Variants in SOBP observed in about 807,000 individuals in gnomAD.
SOBP encodes the protein sine oculis binding protein homolog, also known as sine oculis-binding protein homolog.
Under a neutral mutation model 53.6 loss-of-function variants are expected in SOBP, and 4 were observed. That is an observed-to-expected ratio of 0.07 (90% CI 0.04 to 0.17). The LOEUF is 0.17. SOBP is among the 10% of genes least tolerant of loss of function. The pLI, the probability that SOBP is intolerant of heterozygous loss-of-function variation, is 1.00. For synonymous variants in SOBP, 584 were observed against 522.6 expected (o/e 1.12, Z -1.60); for missense variants, 1,088 against 1,204.7 (o/e 0.90, Z 1.43).
intron 4 of SOBP, among the ~76,000 whole-genome samples, chr6:107,572,964 G>A (rs182236309): frequency 6.2e-4 from 95 of 152,308 alleles, no homozygotes; most frequent in Non-Finnish European, 1.1e-3. Flanking sequence ...CAGTGCCCAC[G>A]AATCCTGGGC....
chr6:107,557,097 G>T (rs1313910860), intron 4 of SOBP, among the ~76,000 whole-genome samples: 1 of 152,042 alleles, frequency 6.6e-6, no homozygotes, highest in Admixed American at 6.5e-5. Context: ...ACATATATAT[G>T]TGTACTTGGT....
At chr6:107,604,214 G>A (rs1786284728) in intron 5 of SOBP, among the ~76,000 whole-genome samples, 1 of 152,166 alleles carries the variant, frequency 6.6e-6, no homozygotes, top group African/African-American at 2.4e-5. Context: ...TCAAATAAAA[G>A]TCATAAACAA....
chr6:107,598,313 G>T (rs145198007), intron 5 of SOBP, among the ~76,000 whole-genome samples: 2 of 152,208 alleles, frequency 1.3e-5, no homozygotes, highest in African/African-American at 4.8e-5. Flanking sequence ...GGAAGTAAAG[G>T]CCGTTTAATA....
intron 3 of SOBP, 43 bp downstream of exon 3, chr6:107,506,470 AG>A: frequency 6.2e-7 from 1 of 1,607,806 alleles, no homozygotes; most frequent in Non-Finnish European, 8.5e-7. Context: ...ATTCATAGAA[AG>A]TTGTTTTAAC....
chr6:107,603,894 A>G (rs529849567), intron 5 of SOBP, among the ~76,000 whole-genome samples: 1 of 151,840 alleles, frequency 6.6e-6, no homozygotes, highest in African/African-American at 2.4e-5. Flanking sequence ...TTGGATCTCC[A>G]TGGGAAAGTT....
chr6:107,525,452 G>A (rs1387822584), intron 3 of SOBP, among the ~76,000 whole-genome samples: 1 of 152,136 alleles, frequency 6.6e-6, no homozygotes, highest in African/African-American at 2.4e-5. Context: ...TTCTTCATTG[G>A]AGTACGGGAG....
In SOBP at chr6:107,576,954, A is replaced by G. The variant is rs567783302; in HGVS notation, c.574-10126A>G. Among the ~76,000 whole-genome samples, 327 of 152,350 alleles carry G rather than the reference A, an allele frequency of 2.1e-3. 3 individuals carry two copies. Among genetic ancestry groups the G allele is most frequent in the African/African-American group, 7.1e-3 (295 of 41,576 alleles). On this transcript the variant is annotated intron_variant, in intron 4 of 6. Transcript: ENST00000317357. ...AAGTATTGCTGTTAGTTGAGAATTTATAGTTCTTGACCTCAGGATTAGTAA... is the reference window on the plus strand; with the variant it reads ...AAGTATTGCTGTTAGTTGAGAATTTGTAGTTCTTGACCTCAGGATTAGTAA...
chr6:107,559,367 C>T (rs949144052), intron 4 of SOBP, among the ~76,000 whole-genome samples: 2 of 152,142 alleles, frequency 1.3e-5, no homozygotes, highest in Non-Finnish European at 2.9e-5. Context: ...GTAAAGGCTA[C>T]ACTAGTTGAC....
chr6:107,514,966 C>G (rs1171334255), intron 3 of SOBP: 3 of 152,132 alleles, frequency 2.0e-5, no homozygotes, highest in Non-Finnish European at 4.4e-5. Context: ...TTAATTTTTA[C>G]TTTGAACAAA....
At chr6:107,548,125 T>C (rs1366891880) in intron 4 of SOBP, among the ~76,000 whole-genome samples, 1 of 152,148 alleles carries the variant, frequency 6.6e-6, no homozygotes, top group Non-Finnish European at 1.5e-5. Context: ...GTAAATCTAA[T>C]AGAACTTCAA....
At chr6:107,524,993 G>T (rs1002943587) in intron 3 of SOBP, among the ~76,000 whole-genome samples, 4 of 152,178 alleles carry the variant, frequency 2.6e-5, no homozygotes, top group African/African-American at 9.7e-5. Flanking sequence ...GCTGTAAAAA[G>T]CCTGTTGTTT....
chr6:107,652,360 A>AGCT (rs1413804508), intron 6 of SOBP, among the ~76,000 whole-genome samples: 1 of 152,272 alleles, frequency 6.6e-6, no homozygotes, highest in Non-Finnish European at 1.5e-5. Context: ...TGGAGGAAGT[A>AGCT]GCTGCAGATA....
chr6:107,520,310 G>A (rs1392841251), intron 3 of SOBP, among the ~76,000 whole-genome samples: 1 of 152,184 alleles, frequency 6.6e-6, no homozygotes, highest in Admixed American at 6.5e-5. Flanking sequence ...CAGAATGCTA[G>A]AATTTTACTT....
intron 3 of SOBP, among the ~76,000 whole-genome samples, chr6:107,528,861 C>T (rs1017950373): frequency 2.0e-5 from 3 of 152,166 alleles, no homozygotes; most frequent in South Asian, 2.1e-4. Context: ...TGGCCTGGTC[C>T]TCAGTAAGGC....
At chr6:107,601,139 G>A (rs1431263240) in intron 5 of SOBP, among the ~76,000 whole-genome samples, 1 of 152,202 alleles carries the variant, frequency 6.6e-6, no homozygotes, top group Non-Finnish European at 1.5e-5. Flanking sequence ...TGTCAGGAAT[G>A]TCTGGAATGC....
intron 5 of SOBP, among the ~76,000 whole-genome samples, chr6:107,608,378 G>A (rs1786469179): frequency 6.6e-6 from 1 of 151,962 alleles, no homozygotes; most frequent in South Asian, 2.1e-4. Context: ...GCAAGGTCCC[G>A]GTCCTTTCTT....
In SOBP at chr6:107,506,220, A is replaced by G. The variant is rs760479861; in HGVS notation, c.236-22A>G. The G allele has an allele frequency of 6.8e-6, 11 of 1,608,620 alleles. No individual in the cohort carries two copies. The South Asian group carries it at 1.2e-4, about 18-fold the overall frequency. On this transcript the variant is annotated intron_variant, in intron 2 of 6. Transcript: ENST00000317357. Reference sequence around the variant, plus strand: ...GCATTACATTCCTTGGTCACATTGAATATGATTTTTTTCTTTTACAGAAAA... The same window carrying G: ...GCATTACATTCCTTGGTCACATTGAGTATGATTTTTTTCTTTTACAGAAAA...
At position 107,635,196 on chromosome 6, in the gene SOBP, G is replaced by A. The variant is rs966806340; in HGVS notation, c.2352G>A (p.Gly784=). 6.2e-7 allele frequency: 1 copy of A among 1,613,788 alleles called. No homozygotes were observed. The highest frequency in any genetic ancestry group is 1.3e-5 in the African/African-American group (1 of 74,912). Residue 784 remains glycine (G), a synonymous_variant, in exon 6 of 7, where the codon GGG becomes GGA. Coordinates refer to ENST00000317357, the MANE Select transcript of SOBP (RefSeq NM_018013.4). This position sits in a 1 kb window ranked among gnomAD's most constrained non-coding sequence, Gnocchi z 4.5. The part of the protein sequence containing the change: ...NNCASNCHLD[G]EAAKKLMGEE... ...GTGCTTCCAACTGCCACCTGGACGGGGAGGCGGCCAAAAAGCTGATGGGCG... is the reference window on the plus strand; with the variant it reads ...GTGCTTCCAACTGCCACCTGGACGGAGAGGCGGCCAAAAAGCTGATGGGCG...
At chr6:107,586,277 C>T (rs1211209490) in intron 4 of SOBP, among the ~76,000 whole-genome samples, 1 of 152,184 alleles carries the variant, frequency 6.6e-6, no homozygotes, top group Non-Finnish European at 1.5e-5. Context: ...GAGAGCAGAG[C>T]GGAGTGCAAG....
Sources: gnomAD v4.1 joint callset for allele counts (sites outside exome capture counted in the v4.1 genomes callset) on GRCh38, gnomAD v4.1.1 for gene constraint, Gnocchi (gnomAD v3.1) non-coding constraint, MANE v1.5 for transcripts, NCBI Gene and HGNC (gene_info 2026-07-23, HGNC 2026-07-21) for gene names.